FXYD4: variants seen among roughly 807,000 people sequenced by gnomAD.
FXYD4 encodes the protein FXYD domain containing ion transport regulator 4.
A neutral mutation model predicts 18.3 loss-of-function variants in FXYD4; 14 were observed. The observed-to-expected ratio is 0.77, with a 90% CI of 0.51 to 1.20. The LOEUF (loss-of-function observed/expected upper bound fraction) is 1.20, where lower values mean the gene tolerates loss of function less well. Ranked by LOEUF, FXYD4 falls within the 50% of genes most tolerant of loss-of-function variation. The probability of loss-of-function intolerance (pLI) is 0.00; values close to 1 mark genes in which losing one functional copy is unlikely to be tolerated. For missense variants in FXYD4, 99 were observed against 106.1 expected, an observed-to-expected ratio of 0.93 and a Z score of 0.29; for synonymous variants, 40 against 40.5, an observed-to-expected ratio of 0.99 and a Z score of 0.04.
chr10:43,372,092 G>A (rs1837814822), intron 1 of FXYD4, among the ~76,000 whole-genome samples: 2 of 151,584 alleles, frequency 1.3e-5, no homozygotes, highest in South Asian at 4.2e-4. Context: ...TAAAAAATGT[G>A]ACCTAGAGTT....
rs777030745 is a variant in FXYD4 at position 43,373,708 on chromosome 10, G to T, written c.-39G>T. ...CCGTGGGCTGCAGACCCCCGCCCCA[G>T]TGCCTCTCCCCCTGCAGCCCTGCCC... On this transcript the variant is annotated 5_prime_UTR_variant, in exon 3 of 9. Coordinates refer to ENST00000476166, the MANE Select transcript of FXYD4 (RefSeq NM_173160.3). 7.3e-7 allele frequency: 1 copy of T among 1,377,860 alleles called. No individual in the cohort carries two copies. The highest frequency in any genetic ancestry group is 1.7e-5 in the Admixed American group (1 of 59,730). 85.4% of individuals were successfully genotyped at this position (1,377,860 alleles called of 1,614,324 possible). A position where few individuals can be genotyped will look rare whatever the true frequency, so the allele number is the denominator to read the frequency against.
chr10:43,374,220 G>A (rs563331564), intron 3 of FXYD4, among the ~76,000 whole-genome samples: 16 of 152,308 alleles, frequency 1.1e-4, no homozygotes, highest in Non-Finnish European at 2.2e-4. Context: ...AGCATTCCCT[G>A]TTTCTTCAGG....
Position 43,376,267 on chromosome 10 carries a change from G to C in FXYD4, c.*101G>C. ...CCTCAAGGAAGGACTTCTCTCCAAGGGCAGGCTGTTAGGCCCCTTTCTGAT... is the reference window on the plus strand; with the variant it reads ...CCTCAAGGAAGGACTTCTCTCCAAGCGCAGGCTGTTAGGCCCCTTTCTGAT... On this transcript the variant is annotated 3_prime_UTR_variant, in exon 9 of 9. Coordinates refer to ENST00000476166, the MANE Select transcript of FXYD4 (RefSeq NM_173160.3). 7.5e-7 allele frequency: 1 copy of C among 1,340,538 alleles called. No individual in the cohort carries two copies. Among genetic ancestry groups the C allele is most frequent in the Non-Finnish European group, 1.1e-6 (1 of 940,962 alleles). The allele number at this position is 1,340,538 out of a possible 1,614,324, so 83.0% of individuals were successfully genotyped here. A position where few individuals can be genotyped will look rare whatever the true frequency, so the allele number is the denominator to read the frequency against.
intron 8 of FXYD4, 37 bp from the exon 9 acceptor site, chr10:43,376,110 G>T: frequency 6.2e-7 from 1 of 1,614,064 alleles, no homozygotes; most frequent in Non-Finnish European, 8.5e-7. Flanking sequence ...GTCTGTGTAA[G>T]GACTGTGTCT....
In FXYD4 at chr10:43,374,512, G is replaced by GC; in HGVS notation, c.70+15dup. 1 of 1,613,838 alleles carries GC rather than the reference G, an allele frequency of 6.2e-7. No homozygotes were observed. The highest frequency in any genetic ancestry group is 8.5e-7 in the Non-Finnish European group (1 of 1,179,752). On this transcript the variant is annotated intron_variant, in intron 4 of 8. Transcript: ENST00000476166. ...GCCAATGACCCATTTGGTGAGTGAG[G>GC]CCCCCAAACAGCCTGCCCACTCTGC...
chr10:43,375,768 G>C (rs904167321), intron 7 of FXYD4, 34 bp downstream of exon 7: 5 of 1,608,858 alleles, frequency 3.1e-6, no homozygotes, highest in Non-Finnish European at 4.3e-6. Flanking sequence ...TCCTCCTTCG[G>C]GGCAGAACTA....
rs150156235 is a variant in FXYD4, at chr10:43,374,624, G to A, written c.82G>A (p.Asp28Asn). Residue 28 changes from aspartate (D) to asparagine (N), a missense_variant, in exon 5 of 9, where the codon GAT becomes AAT. Physicochemically the swap from Asp to Asn is conservative, Grantham distance 23. Transcript: ENST00000476166. ...CCCACTTTTTCTAGCCAATAAAGAC[G>A]ATCCCTTCTACTATGGTAAGAGCTG... ...EANDPFANKD[D>N]PFYYDWKNLQ... is the part of the protein sequence containing the mutation. The A allele has an allele frequency of 1.1e-5, 18 of 1,613,242 alleles. No individual in the cohort carries two copies. In the African/African-American group the frequency reaches 1.2e-4, roughly 11 times the overall value.
At chr10:43,375,655 C>T (rs752396505) in intron 6 of FXYD4, 40 bp from the exon 7 acceptor site, 15 of 1,610,698 alleles carry the variant, frequency 9.3e-6, no homozygotes, top group Non-Finnish European at 1.3e-5. Flanking sequence ...TGCTCTCATT[C>T]CAGCACTGAC....
intron 5 of FXYD4, 26 bp downstream of exon 5, chr10:43,374,665 C>T (rs778369884): frequency 3.1e-6 from 5 of 1,592,756 alleles, no homozygotes; most frequent in Middle Eastern, 1.7e-4. Flanking sequence ...CCCACCCCCA[C>T]CCTACCCTTG....
In FXYD4 at chr10:43,375,563, G is replaced by A. The variant is rs146396887; in HGVS notation, c.162G>A (p.Ala54=). 2.1e-4 allele frequency: 335 copies of A among 1,613,940 alleles called. No homozygotes were observed. In the African/African-American group the frequency reaches 3.5e-3, roughly 17 times the overall value. ...CGGLLAIAGI[A]AVLSGKCKCK... is the part of the protein sequence containing the mutation. ...GGCTCCTGGCCATTGCTGGGATCGC[G>A]GCAGTTCTGAGTGAGTGGCAGGACA... is the stretch of plus-strand genomic sequence containing the variant. Residue 54 remains alanine, a synonymous_variant, in exon 6 of 9, where the codon GCG becomes GCA. Transcript: ENST00000476166.
Position 43,373,515 on chromosome 10 carries a change from G to C in FXYD4, c.-232G>C, listed in dbSNP as rs1201209735. On this transcript the variant is annotated splice_region_variant and 5_prime_UTR_variant, in exon 3 of 9. Transcript: ENST00000476166. Reference sequence around the variant, plus strand: ...TACTCAATCCACACAACTCCCCCAGGCCACCACCATCTCTAGATGGGAAGA... The same window carrying C: ...TACTCAATCCACACAACTCCCCCAGCCCACCACCATCTCTAGATGGGAAGA... 5 of 580,500 alleles carry C rather than the reference G, an allele frequency of 8.6e-6. No homozygotes were observed. The highest frequency in any genetic ancestry group is 1.5e-5 in the Non-Finnish European group (5 of 323,618). 36.0% of individuals were successfully genotyped at this position (580,500 alleles called of 1,614,324 possible). A position where few individuals can be genotyped will look rare whatever the true frequency, so the allele number is the denominator to read the frequency against.
intron 2 of FXYD4, among the ~76,000 whole-genome samples, chr10:43,373,175 A>T (rs1837828640): frequency 2.0e-5 from 3 of 151,886 alleles, no homozygotes. Context: ...GGGAATTCAG[A>T]CTGAGGGTGC....
Position 43,375,683 on chromosome 10 carries a change from T to C in FXYD4, c.173-12T>C. ...GCACTGACCCTGGCGCTGACCCCTC[T>C]CTCTCTCCCAGGTGGCAAATGCAAA... On this transcript the variant is annotated splice_polypyrimidine_tract_variant and intron_variant, in intron 6 of 8. Transcript: ENST00000476166. 6.2e-7 allele frequency: 1 copy of C among 1,614,030 alleles called. No individual in the cohort carries two copies.
Position 43,373,618 on chromosome 10 carries a change from G to T in FXYD4, c.-129G>T. The T allele has an allele frequency of 1.4e-6, 1 of 733,262 alleles. No homozygotes were observed. Among genetic ancestry groups the T allele is most frequent in the Non-Finnish European group, 2.5e-6 (1 of 396,616 alleles). The allele number at this position is 733,262 out of a possible 1,614,324, so 45.4% of individuals were successfully genotyped here. ...GTTTGTACACCTACTTTCACCATGG[G>T]GCTCTGCCTGCCCCCGCCCCTGCCT... On this transcript the variant is annotated 5_prime_UTR_variant, in exon 3 of 9. Coordinates refer to ENST00000476166, the MANE Select transcript of FXYD4 (RefSeq NM_173160.3).
chr10:43,373,161 C>T (rs919458788), intron 2 of FXYD4, among the ~76,000 whole-genome samples: 4 of 152,064 alleles, frequency 2.6e-5, no homozygotes, highest in South Asian at 4.1e-4. Context: ...TGTGGAGGCT[C>T]TCTGGGAATT....
intron 3 of FXYD4, 66 bp from the exon 4 acceptor site, chr10:43,374,404 C>A (rs1294396113): frequency 6.6e-7 from 1 of 1,512,276 alleles, no homozygotes; most frequent in Non-Finnish European, 9.2e-7. Flanking sequence ...TGGGGTCCTG[C>A]TGTCTGGCTT....
rs777243728 is a variant in FXYD4, at chr10:43,375,571, T to C, written c.170T>C (p.Leu57Pro). The C allele has an allele frequency of 1.3e-5, 21 of 1,613,390 alleles. 1 individual carries two copies. The highest frequency in any genetic ancestry group is 1.1e-4 in the East Asian group (5 of 44,884). ...GCCATTGCTGGGATCGCGGCAGTTC[T>C]GAGTGAGTGGCAGGACAGGTGGGGC... ...LLAIAGIAAV[L>P]SGKCKCKSSQ... Residue 57 changes from leucine to proline, a missense_variant and splice_region_variant, in exon 6 of 9, where the codon CTG becomes CCG. Physicochemically the swap from Leu to Pro is moderately conservative, Grantham distance 98. Coordinates refer to ENST00000476166, the MANE Select transcript of FXYD4 (RefSeq NM_173160.3).
At chr10:43,374,232 G>A (rs2131948084) in intron 3 of FXYD4, among the ~76,000 whole-genome samples, 1 of 152,278 alleles carries the variant, frequency 6.6e-6, no homozygotes, top group Middle Eastern at 3.4e-3. Flanking sequence ...TTCTTCAGGG[G>A]GCAGAGACAT....
chr10:43,374,559 C>A (rs1837845320), intron 4 of FXYD4, 54 bp from the exon 5 acceptor site: 7 of 1,611,378 alleles, frequency 4.3e-6, no homozygotes, highest in Non-Finnish European at 5.9e-6. Flanking sequence ...CTCTGACACC[C>A]ACATCCTGTC....
Sources: gnomAD v4.1 joint callset for allele counts (sites outside exome capture counted in the v4.1 genomes callset) on GRCh38, gnomAD v4.1.1 for gene constraint, MANE v1.5 for transcripts, NCBI Gene and HGNC (gene_info 2026-07-23, HGNC 2026-07-21) for gene names.